EFTUD2: variants seen among roughly 807,000 people sequenced by gnomAD.
The protein encoded by EFTUD2 is 116 kDa U5 small nuclear ribonucleoprotein component.
In EFTUD2, 9 loss-of-function variants were observed where a neutral mutation model predicts 114.3. The ratio of observed to expected loss-of-function variants is 0.08; its 90% confidence interval spans 0.05 to 0.14. EFTUD2 has a LOEUF of 0.14. EFTUD2 is among the 10% of genes least tolerant of loss of function. The pLI is 1.00. For missense variants in EFTUD2, 765 were observed against 1,241.2 expected, an observed-to-expected ratio of 0.62 and a Z score of 5.76; for synonymous variants, 449 against 462.3, an observed-to-expected ratio of 0.97 and a Z score of 0.37.
chr17:44,894,327 G>T, intron 2 of EFTUD2, 90 bp downstream of exon 2: 1 of 1,080,592 alleles, frequency 9.3e-7, no homozygotes, highest in Non-Finnish European at 1.4e-6. Context: ...CTGAGATTGC[G>T]CCACTGCACT....
intron 10 of EFTUD2, 161 bp from the exon 11 acceptor site, chr17:44,872,731 C>T (rs2050878089): frequency 2.8e-6 from 2 of 712,234 alleles, no homozygotes; most frequent in East Asian, 8.3e-5. Context: ...AAGAAAGTGA[C>T]ATGATGGAGC....
chr17:44,879,859 G>T (rs1311130676), intron 8 of EFTUD2, among the ~76,000 whole-genome samples: 8 of 151,916 alleles, frequency 5.3e-5, no homozygotes, highest in Admixed American at 2.0e-4. Context: ...GGGACTCCTG[G>T]GACTCATGCC....
intron 1 of EFTUD2, among the ~76,000 whole-genome samples, chr17:44,898,207 T>C (rs2051429673): frequency 6.6e-6 from 1 of 152,130 alleles, no homozygotes; most frequent in Non-Finnish European, 1.5e-5. Context: ...ATTGAAGAAA[T>C]TATTTATTTA....
chr17:44,864,795 C>T (rs1170230172), intron 14 of EFTUD2, 135 bp downstream of exon 14: 1 of 1,342,964 alleles, frequency 7.4e-7, no homozygotes, highest in African/African-American at 1.5e-5. Context: ...CACCAGTGTT[C>T]TGCATCTGAA....
At position 44,853,289 on chromosome 17, in the gene EFTUD2, C is replaced by A; in HGVS notation, c.2561+7G>T. On this transcript the variant is annotated splice_region_variant and intron_variant, in intron 25 of 27. Coordinates refer to ENST00000426333, the MANE Select transcript of EFTUD2 (RefSeq NM_004247.4). ...GCACTCTCCCTAATACGCCTGGGGC[C>A]GCTCACCTGCGCCTGGCCAGGACGG... The A allele has an allele frequency of 1.2e-6, 2 of 1,613,522 alleles. No individual in the cohort carries two copies. The highest frequency in any genetic ancestry group is 8.5e-7 in the Non-Finnish European group (1 of 1,179,708).
chr17:44,877,203 GAA>G (rs879579066), intron 9 of EFTUD2, among the ~76,000 whole-genome samples: 91 of 142,744 alleles, frequency 6.4e-4, no homozygotes, highest in Non-Finnish European at 9.9e-4. Context: ...CTCTTTGAAG[GAA>G]AAAAAAAAAG....
chr17:44,859,727 C>T, intron 18 of EFTUD2, 178 bp downstream of exon 18: 8 of 904,746 alleles, frequency 8.8e-6, no homozygotes, highest in Non-Finnish European at 1.2e-5. Context: ...CACACACATA[C>T]ACACACACAC....
intron 5 of EFTUD2, 34 bp from the exon 6 acceptor site, chr17:44,883,192 C>A (rs573639788): frequency 1.2e-6 from 2 of 1,608,474 alleles, no homozygotes; most frequent in Non-Finnish European, 1.7e-6. Flanking sequence ...ATCTGCCGAC[C>A]ACAGAGGAAA....
chr17:44,875,189 T>A (rs948617514), intron 10 of EFTUD2, among the ~76,000 whole-genome samples: 2 of 151,406 alleles, frequency 1.3e-5, no homozygotes, highest in African/African-American at 4.9e-5. Context: ...ATAGCAAGAC[T>A]CCATCTCTAC....
chr17:44,852,401 T>C lies in EFTUD2; in HGVS notation c.2715+8A>G. ...AGCCAAGTCCGCCAGCCTGCATTGC[T>C]TTCTCACCTGCCAGTGGTGGAAGAC... On this transcript the variant is annotated splice_region_variant and intron_variant, in intron 26 of 27. Transcript: ENST00000426333. 4 of 1,613,866 alleles carry C rather than the reference T, an allele frequency of 2.5e-6. No individual in the cohort carries two copies. The highest frequency in any genetic ancestry group is 3.4e-6 in the Non-Finnish European group (4 of 1,179,978).
intron 2 of EFTUD2, among the ~76,000 whole-genome samples, chr17:44,888,817 C>T (rs956714236): frequency 6.6e-6 from 1 of 152,154 alleles, no homozygotes. Context: ...TGTGAGTTAA[C>T]GCCAGGCTTG....
At chr17:44,855,394 C>T (rs2050531378) in intron 20 of EFTUD2, among the ~76,000 whole-genome samples, 1 of 152,152 alleles carries the variant, frequency 6.6e-6, no homozygotes, top group Non-Finnish European at 1.5e-5. Flanking sequence ...AACCCCATCT[C>T]TACTAAAATA....
At chr17:44,852,322 T>C (rs1045177317) in intron 26 of EFTUD2, 87 bp downstream of exon 26, 39 of 1,551,920 alleles carry the variant, frequency 2.5e-5, no homozygotes, top group Non-Finnish European at 2.9e-5. Flanking sequence ...TACACCTCAC[T>C]TAGGGCTTGG....
At chr17:44,855,118 AG>A (rs1567729609) in intron 20 of EFTUD2, 114 bp from the exon 21 acceptor site, 1 of 921,254 alleles carries the variant, frequency 1.1e-6, no homozygotes, top group African/African-American at 1.6e-5. Context: ...TGAAAGCCAC[AG>A]GGGCCAAGCG....
At chr17:44,898,926 A>G (rs1373934388) in intron 1 of EFTUD2, 1 of 152,254 alleles carries the variant, frequency 6.6e-6, no homozygotes, top group East Asian at 1.9e-4. Flanking sequence ...CACAGAATAT[A>G]GCTGATTTGC....
At chr17:44,882,985 G>A (rs2051099482) in intron 6 of EFTUD2, 108 bp downstream of exon 6, 4 of 980,644 alleles carry the variant, frequency 4.1e-6, no homozygotes, top group Non-Finnish European at 6.0e-6. Flanking sequence ...CTGCACTTTG[G>A]AGGCGTCATT....
chr17:44,880,756 G>C, intron 7 of EFTUD2, 112 bp from the exon 8 acceptor site: 1 of 749,660 alleles, frequency 1.3e-6, no homozygotes, highest in Non-Finnish European at 2.2e-6. Context: ...CTTATAGTGG[G>C]TGATTTTTAT....
intron 14 of EFTUD2, 44 bp from the exon 15 acceptor site, chr17:44,863,826 G>A (rs1406385065): frequency 6.2e-7 from 1 of 1,606,976 alleles, no homozygotes; most frequent in Non-Finnish European, 8.5e-7. Context: ...GCCTTCCCAG[G>A]GAGCACGAGC....
At chr17:44,851,593 T>C in intron 27 of EFTUD2, 117 bp downstream of exon 27, 1 of 1,129,828 alleles carries the variant, frequency 8.9e-7, no homozygotes, top group Non-Finnish European at 1.2e-6. Context: ...ATACAGATCA[T>C]ATCTCTACAT....
Sources: gnomAD v4.1 joint callset for allele counts (sites outside exome capture counted in the v4.1 genomes callset) on GRCh38, gnomAD v4.1.1 for gene constraint, MANE v1.5 for transcripts, NCBI Gene and HGNC (gene_info 2026-07-23, HGNC 2026-07-21) for gene names.